Variants in HNRNPA0 observed in about 807,000 individuals in gnomAD.
The protein encoded by HNRNPA0 is heterogeneous nuclear ribonucleoprotein A0.
For synonymous variants in HNRNPA0, 243 were observed against 195.5 expected, an observed-to-expected ratio of 1.24 and a Z score of -2.03; for missense variants, 252 against 433.7, an observed-to-expected ratio of 0.58 and a Z score of 3.72.
Position 137,748,465 on chromosome 5 carries a change from T to G in HNRNPA0, c.*4684A>C, listed in dbSNP as rs77047174. The G allele has an allele frequency of 3.9e-5, 6 of 152,154 alleles. No homozygotes were observed. Among genetic ancestry groups the G allele is most frequent in the African/African-American group, 1.4e-4 (6 of 41,434 alleles). 9.4% of individuals were successfully genotyped at this position (152,154 alleles called of 1,614,324 possible). On this transcript the variant is annotated 3_prime_UTR_variant, in exon 1 of 1. Coordinates refer to ENST00000314940, the MANE Select transcript of HNRNPA0 (RefSeq NM_006805.4). ...CATGCATATCTCGGGTACTAAGATA[T>G]AAAAGTATGCCTTTTGCTAGTCTGT...
chr5:137,754,077 C>T lies in HNRNPA0; in HGVS notation c.-11G>A. 1 of 1,599,274 alleles carries T rather than the reference C, an allele frequency of 6.3e-7. No homozygotes were observed. Among genetic ancestry groups the T allele is most frequent in the Non-Finnish European group, 8.5e-7 (1 of 1,171,280 alleles). ...CTGAGAATTCTCCATCTCCAAGGCC[C>T]GGGCCTTGCCCCCGCCCTGCGAGCT... On this transcript the variant is annotated 5_prime_UTR_variant, in exon 1 of 1. Coordinates refer to ENST00000314940, the MANE Select transcript of HNRNPA0 (RefSeq NM_006805.4).
rs750390327 is a variant in HNRNPA0, at chr5:137,753,911, G to A, written c.156C>T (p.Phe52=). ...PQTKRSRCFG[F]VTYSNVEEAD... is the part of the protein sequence containing the mutation. ...CCTCCTCCACATTGGAGTAGGTCACGAAGCCAAAGCAACGGGAGCGCTTGG... is the reference window on the plus strand; with the variant it reads ...CCTCCTCCACATTGGAGTAGGTCACAAAGCCAAAGCAACGGGAGCGCTTGG... Residue 52 remains phenylalanine (F), a synonymous_variant, in exon 1 of 1, where the codon TTC becomes TTT. Transcript: ENST00000314940. This position sits in a 1 kb window ranked among gnomAD's most constrained non-coding sequence, Gnocchi z 6.1. 4 of 1,613,984 alleles carry A rather than the reference G, an allele frequency of 2.5e-6. No individual in the cohort carries two copies. The highest frequency in any genetic ancestry group is 4.5e-5 in the East Asian group (2 of 44,850).
chr5:137,751,314 G>GAAAAAAAAAA lies in HNRNPA0; in HGVS notation c.*1825_*1834dup, dbSNP rs35222604. The GAAAAAAAAAA allele has an allele frequency of 8.5e-6, 1 of 117,152 alleles. No homozygotes were observed. 7.3% of individuals were successfully genotyped at this position (117,152 alleles called of 1,614,324 possible). On this transcript the variant is annotated 3_prime_UTR_variant, in exon 1 of 1. Coordinates refer to ENST00000314940, the MANE Select transcript of HNRNPA0 (RefSeq NM_006805.4). ...CTTCTTTAAAAGCCCTGCCAATCAG[G>GAAAAAAAAAA]AAAAAAAAAAAAAAAACTGGCAAGA...
At position 137,747,192 on chromosome 5, in the gene HNRNPA0, T is replaced by C. The variant is rs950048364; in HGVS notation, c.*5957A>G. 1.3e-5 allele frequency: 2 copies of C among 152,126 alleles called. No homozygotes were observed. The highest frequency in any genetic ancestry group is 4.8e-5 in the African/African-American group (2 of 41,418). 9.4% of individuals were successfully genotyped at this position (152,126 alleles called of 1,614,324 possible). A position where few individuals can be genotyped will look rare whatever the true frequency, so the allele number is the denominator to read the frequency against. ...CACTCACAATCTCTTGCTAAGTATA[T>C]GAGAAAGAGAAGGAGCAAATATTTC... On this transcript the variant is annotated 3_prime_UTR_variant, in exon 1 of 1. Transcript: ENST00000314940.
Position 137,745,786 on chromosome 5 carries a change from T to C in HNRNPA0, c.*7363A>G, listed in dbSNP as rs1753401838. 1 of 152,186 alleles carries C rather than the reference T, an allele frequency of 6.6e-6. No homozygotes were observed. The highest frequency in any genetic ancestry group is 1.5e-5 in the Non-Finnish European group (1 of 68,030). 9.4% of individuals were successfully genotyped at this position (152,186 alleles called of 1,614,324 possible). On this transcript the variant is annotated 3_prime_UTR_variant, in exon 1 of 1. Transcript: ENST00000314940. The stretch of plus-strand genomic sequence containing the variant: ...TTAGGATCTCTCCCTCCCATGAAGA[T>C]TCACACAGAGCACATTTTTATACGA...
chr5:137,752,205 G>A lies in HNRNPA0; in HGVS notation c.*944C>T, dbSNP rs936449826. 1 of 151,524 alleles carries A rather than the reference G, an allele frequency of 6.6e-6. No homozygotes were observed. The highest frequency in any genetic ancestry group is 1.5e-5 in the Non-Finnish European group (1 of 67,932). The allele number at this position is 151,524 out of a possible 1,614,324, so 9.4% of individuals were successfully genotyped here. A position where few individuals can be genotyped will look rare whatever the true frequency, so the allele number is the denominator to read the frequency against. On this transcript the variant is annotated 3_prime_UTR_variant, in exon 1 of 1. Transcript: ENST00000314940. ...CCCTTATTTTTAACCATTCATTACA[G>A]ACAAACCAGTAAGAGGGATGAAACT...
In HNRNPA0 at chr5:137,753,144, T is replaced by C; in HGVS notation, c.*5A>G. On this transcript the variant is annotated 3_prime_UTR_variant, in exon 1 of 1. Transcript: ENST00000314940. The surrounding 1 kb of genome is among the most constrained non-coding windows in gnomAD (Gnocchi z 6.1). ...TAGCCACTCCCAGGCATTTTAAATT[T>C]TCTTTTAGAAGGAGCTGCCTCCATA... The C allele has an allele frequency of 6.2e-7, 1 of 1,610,334 alleles. No homozygotes were observed. Among genetic ancestry groups the C allele is most frequent in the Non-Finnish European group, 8.5e-7 (1 of 1,178,028 alleles).
rs1259075012 is a variant in HNRNPA0, at chr5:137,748,541, T to G, written c.*4608A>C. 1 of 152,188 alleles carries G rather than the reference T, an allele frequency of 6.6e-6. No individual in the cohort carries two copies. The highest frequency in any genetic ancestry group is 1.5e-5 in the Non-Finnish European group (1 of 68,016). 9.4% of individuals were successfully genotyped at this position (152,188 alleles called of 1,614,324 possible). A position where few individuals can be genotyped will look rare whatever the true frequency, so the allele number is the denominator to read the frequency against. On this transcript the variant is annotated 3_prime_UTR_variant, in exon 1 of 1. Coordinates refer to ENST00000314940, the MANE Select transcript of HNRNPA0 (RefSeq NM_006805.4). Reference sequence around the variant, plus strand: ...AGTAAAATTACTGTGTACCAGAGACTACAGTAAGCCCTTCTTTATATGCAT... The same window carrying G: ...AGTAAAATTACTGTGTACCAGAGACGACAGTAAGCCCTTCTTTATATGCAT...
Position 137,754,190 on chromosome 5 carries a change from C to G in HNRNPA0, c.-124G>C. On this transcript the variant is annotated 5_prime_UTR_variant, in exon 1 of 1. Transcript: ENST00000314940. The stretch of plus-strand genomic sequence containing the variant: ...CGTTGCTGGAGCCACCCCCGCCGCT[C>G]ACCGACGGGGAAGGGAAAAAGGGAA... The G allele has an allele frequency of 7.8e-7, 1 of 1,285,942 alleles. No homozygotes were observed. The highest frequency in any genetic ancestry group is 1.0e-6 in the Non-Finnish European group (1 of 953,370). The allele number at this position is 1,285,942 out of a possible 1,614,324, so 79.7% of individuals were successfully genotyped here. A position where few individuals can be genotyped will look rare whatever the true frequency, so the allele number is the denominator to read the frequency against.
Position 137,753,545 on chromosome 5 carries a change from G to C in HNRNPA0, c.522C>G (p.Val174=). 1.9e-6 allele frequency: 3 copies of C among 1,612,792 alleles called. No individual in the cohort carries two copies. Among genetic ancestry groups the C allele is most frequent in the Non-Finnish European group, 2.5e-6 (3 of 1,179,170 alleles). The change falls in exon 1 of 1, where the codon GTC becomes GTG. Residue 174 remains valine (V), a synonymous_variant. Coordinates refer to ENST00000314940, the MANE Select transcript of HNRNPA0 (RefSeq NM_006805.4). This position sits in a 1 kb window ranked among gnomAD's most constrained non-coding sequence, Gnocchi z 6.1. ...CACCGGAGTAGATATCCTCCTTGGG[G>C]ACTGCTTTCTTCACCTCCACGCGAT... is the stretch of plus-strand genomic sequence containing the variant. ...QGHRVEVKKA[V]PKEDIYSGGG...
Position 137,753,749 on chromosome 5 carries a change from T to C in HNRNPA0, c.318A>G (p.Lys106=), listed in dbSNP as rs1240785321. The C allele has an allele frequency of 5.0e-6, 8 of 1,612,210 alleles. No individual in the cohort carries two copies. Among genetic ancestry groups the C allele is most frequent in the Non-Finnish European group, 5.9e-6 (7 of 1,180,022 alleles). The change falls in exon 1 of 1, where the codon AAA becomes AAG. Residue 106 remains lysine, a synonymous_variant. Transcript: ENST00000314940. This position sits in a 1 kb window ranked among gnomAD's most constrained non-coding sequence, Gnocchi z 6.1. ...KVKKLFVGGL[K]GDVAEGDLIE... ...TCAGGTCGCCCTCAGCCACGTCTCCTTTAAGGCCTCCGACAAAGAGCTTCT... is the reference window on the plus strand; with the variant it reads ...TCAGGTCGCCCTCAGCCACGTCTCCCTTAAGGCCTCCGACAAAGAGCTTCT...
At position 137,748,671 on chromosome 5, in the gene HNRNPA0, A is replaced by G. The variant is rs1242653071; in HGVS notation, c.*4478T>C. 2 of 152,172 alleles carry G rather than the reference A, an allele frequency of 1.3e-5. No homozygotes were observed. The highest frequency in any genetic ancestry group is 2.9e-5 in the Non-Finnish European group (2 of 68,012). The allele number at this position is 152,172 out of a possible 1,614,324, so 9.4% of individuals were successfully genotyped here. ...CTCGGGCCAGTTTGTCCAAGGTCGC[A>G]GTGCTAGAAAGTGACTGTGTCAGGA... On this transcript the variant is annotated 3_prime_UTR_variant, in exon 1 of 1. Transcript: ENST00000314940.
chr5:137,750,915 A>G lies in HNRNPA0; in HGVS notation c.*2234T>C, dbSNP rs1341861877. 1 of 152,188 alleles carries G rather than the reference A, an allele frequency of 6.6e-6. No individual in the cohort carries two copies. Among genetic ancestry groups the G allele is most frequent in the Non-Finnish European group, 1.5e-5 (1 of 68,014 alleles). The allele number at this position is 152,188 out of a possible 1,614,324, so 9.4% of individuals were successfully genotyped here. ...AAAGGTGTACTATTCCAATTGACCC[A>G]GATCTTCCCACCAAAACTGAGTAAG... On this transcript the variant is annotated 3_prime_UTR_variant, in exon 1 of 1. Coordinates refer to ENST00000314940, the MANE Select transcript of HNRNPA0 (RefSeq NM_006805.4).
Position 137,753,082 on chromosome 5 carries a change from T to A in HNRNPA0, c.*67A>T. On this transcript the variant is annotated 3_prime_UTR_variant, in exon 1 of 1. Coordinates refer to ENST00000314940, the MANE Select transcript of HNRNPA0 (RefSeq NM_006805.4). This position sits in a 1 kb window ranked among gnomAD's most constrained non-coding sequence, Gnocchi z 6.1. ...TGTGTGAGGGGGTGGGGCTTAGGAG[T>A]TGACCCCACTTGGGCTGTTGGAAAG... The A allele has an allele frequency of 1.3e-6, 2 of 1,504,684 alleles. No individual in the cohort carries two copies. The highest frequency in any genetic ancestry group is 9.0e-7 in the Non-Finnish European group (1 of 1,109,560). 93.2% of individuals were successfully genotyped at this position (1,504,684 alleles called of 1,614,324 possible). A position where few individuals can be genotyped will look rare whatever the true frequency, so the allele number is the denominator to read the frequency against.
chr5:137,747,587 CTT>C lies in HNRNPA0; in HGVS notation c.*5560_*5561del, dbSNP rs1303506527. ...ATGCTTTCACAACTTACCTCAACTT[CTT>C]TGTCAGTCTATTTCCATTGCTCTTT... On this transcript the variant is annotated 3_prime_UTR_variant, in exon 1 of 1. Transcript: ENST00000314940. The C allele has an allele frequency of 6.6e-6, 1 of 152,212 alleles. No homozygotes were observed. Among genetic ancestry groups the C allele is most frequent in the Non-Finnish European group, 1.5e-5 (1 of 68,026 alleles). 9.4% of individuals were successfully genotyped at this position (152,212 alleles called of 1,614,324 possible).
At position 137,753,520 on chromosome 5, in the gene HNRNPA0, C is replaced by T. The variant is rs1223294496; in HGVS notation, c.547G>A (p.Gly183Arg). ...AVPKEDIYSGGGGGGSRSSRG... is the reference protein window; with the variant it reads ...AVPKEDIYSGRGGGGSRSSRG... ...GAGGATCGGGAGCCGCCTCCACCCC[C>T]ACCGGAGTAGATATCCTCCTTGGGG... Residue 183 changes from glycine to arginine, a missense_variant, in exon 1 of 1, where the codon GGG becomes AGG. Physicochemically the swap from Gly to Arg is moderately radical, Grantham distance 125. Transcript: ENST00000314940. This position sits in a 1 kb window ranked among gnomAD's most constrained non-coding sequence, Gnocchi z 6.1. 2 of 1,608,306 alleles carry T rather than the reference C, an allele frequency of 1.2e-6. No homozygotes were observed. Among genetic ancestry groups the T allele is most frequent in the Non-Finnish European group, 1.7e-6 (2 of 1,177,102 alleles).
rs941828098 is a variant in HNRNPA0 at position 137,752,353 on chromosome 5, TAAAC to T, written c.*792_*795del. The T allele has an allele frequency of 6.6e-6, 1 of 152,160 alleles. No homozygotes were observed. The highest frequency in any genetic ancestry group is 1.5e-5 in the Non-Finnish European group (1 of 68,020). 9.4% of individuals were successfully genotyped at this position (152,160 alleles called of 1,614,324 possible). ...GAAATGACCAACCATGTCAAGATGA[TAAAC>T]AATTCGCTTAGTACAAGAGATGGAT... On this transcript the variant is annotated 3_prime_UTR_variant, in exon 1 of 1. Coordinates refer to ENST00000314940, the MANE Select transcript of HNRNPA0 (RefSeq NM_006805.4).
rs1303794977 is a variant in HNRNPA0 at position 137,747,186 on chromosome 5, A to G, written c.*5963T>C. On this transcript the variant is annotated 3_prime_UTR_variant, in exon 1 of 1. Transcript: ENST00000314940. ...TGTGGCCACTCACAATCTCTTGCTA[A>G]GTATATGAGAAAGAGAAGGAGCAAA... is the stretch of plus-strand genomic sequence containing the variant. 1 of 152,218 alleles carries G rather than the reference A, an allele frequency of 6.6e-6. No homozygotes were observed. The highest frequency in any genetic ancestry group is 1.5e-5 in the Non-Finnish European group (1 of 68,052). 9.4% of individuals were successfully genotyped at this position (152,218 alleles called of 1,614,324 possible).
Position 137,753,110 on chromosome 5 carries a change from C to A in HNRNPA0, c.*39G>T, listed in dbSNP as rs778050352. On this transcript the variant is annotated 3_prime_UTR_variant, in exon 1 of 1. Coordinates refer to ENST00000314940, the MANE Select transcript of HNRNPA0 (RefSeq NM_006805.4). This position sits in a 1 kb window ranked among gnomAD's most constrained non-coding sequence, Gnocchi z 6.1. ...ACCCCACTTGGGCTGTTGGAAAGAG[C>A]TACCCCTATAGCCACTCCCAGGCAT... 1.3e-6 allele frequency: 2 copies of A among 1,573,636 alleles called. No homozygotes were observed. Among genetic ancestry groups the A allele is most frequent in the East Asian group, 2.2e-5 (1 of 44,566 alleles).
Sources: gnomAD v4.1 joint callset for allele counts on GRCh38, gnomAD v4.1.1 for gene constraint, Gnocchi (gnomAD v3.1) non-coding constraint, MANE v1.5 for transcripts, NCBI Gene and HGNC (gene_info 2026-07-23, HGNC 2026-07-21) for gene names.